GADL1: variants seen among roughly 807,000 people sequenced by gnomAD.
GADL1 encodes GAD like acidic amino acid decarboxylase 1.
In GADL1, 71 loss-of-function variants were observed where a neutral mutation model predicts 69.5. The ratio of observed to expected loss-of-function variants is 1.02; its 90% CI spans 0.84 to 1.25. GADL1 has a LOEUF of 1.25. GADL1 is among the 50% of genes most tolerant of loss of function. GADL1 has a pLI of 0.00. For synonymous variants in GADL1, 254 were observed against 214.4 expected, an observed-to-expected ratio of 1.18 and a Z score of -1.62; for missense variants, 737 against 631.8, an observed-to-expected ratio of 1.17 and a Z score of -1.79.
At chr3:30,777,835 T>C (rs548210515) in intron 14 of GADL1, among the ~76,000 whole-genome samples, 1 of 152,260 alleles carries the variant, frequency 6.6e-6, no homozygotes, top group Non-Finnish European at 1.5e-5. Context: ...AGTAAGGTGG[T>C]ACAACAGTCA....
At chr3:30,734,216 C>A (rs1695508296) in intron 14 of GADL1, among the ~76,000 whole-genome samples, 1 of 152,216 alleles carries the variant, frequency 6.6e-6, no homozygotes, top group Non-Finnish European at 1.5e-5. Flanking sequence ...ATTTACATCT[C>A]TGTTTGCCTT....
chr3:30,894,533 CAG>C (rs1267594838), intron 1 of GADL1, 43 bp downstream of exon 1: 1 of 1,504,312 alleles, frequency 6.6e-7, no homozygotes, highest in Non-Finnish European at 9.0e-7. Context: ...AAAACCCAGA[CAG>C]GGGAGGTTAA....
chr3:30,827,227 G>A (rs192546746), intron 11 of GADL1, among the ~76,000 whole-genome samples: 2 of 151,306 alleles, frequency 1.3e-5, no homozygotes, highest in East Asian at 3.9e-4. Flanking sequence ...CAGTAGTAGA[G>A]CGATAGTGGT....
chr3:30,808,857 A>G (rs945635242), intron 11 of GADL1, among the ~76,000 whole-genome samples: 1 of 152,218 alleles, frequency 6.6e-6, no homozygotes, highest in Non-Finnish European at 1.5e-5. Flanking sequence ...GTCCTATGAT[A>G]AGAATGAGAG....
At chr3:30,879,893 C>T (rs748430535) in intron 1 of GADL1, among the ~76,000 whole-genome samples, 1 of 151,804 alleles carries the variant, frequency 6.6e-6, no homozygotes, top group South Asian at 2.1e-4. Flanking sequence ...AGGCAATAGT[C>T]GGAATGATAA....
intron 14 of GADL1, among the ~76,000 whole-genome samples, chr3:30,771,655 G>GATTTTAAATGTTTAAAA (rs1183897184): frequency 6.6e-6 from 1 of 152,076 alleles, no homozygotes; most frequent in Non-Finnish European, 1.5e-5. Flanking sequence ...GTTTAAAAAA[G>GATTTTAAATGTTTAAAA]AACCTCATCT....
intron 1 of GADL1, among the ~76,000 whole-genome samples, chr3:30,893,530 T>C (rs9859177): frequency 0.052 from 7,919 of 152,158 alleles, 671 homozygotes; most frequent in African/African-American, 0.17. Flanking sequence ...TCTACAGCCC[T>C]CTCCGCTCCC....
chr3:30,852,979 T>C (rs1313656373), intron 4 of GADL1, among the ~76,000 whole-genome samples: 3 of 152,160 alleles, frequency 2.0e-5, no homozygotes, highest in Non-Finnish European at 4.4e-5. Context: ...AAGTTGCCAG[T>C]GACGTCCATG....
intron 11 of GADL1, among the ~76,000 whole-genome samples, chr3:30,824,479 G>A (rs1195533687): frequency 1.3e-5 from 2 of 150,054 alleles, no homozygotes; most frequent in African/African-American, 2.5e-5. Flanking sequence ...TTAGAGATAA[G>A]AAGTAAAGAT....
intron 12 of GADL1, among the ~76,000 whole-genome samples, chr3:30,790,997 A>AC (rs1696900182): frequency 6.6e-6 from 1 of 150,726 alleles, no homozygotes; most frequent in African/African-American, 2.4e-5. Context: ...CAATTTTTAC[A>AC]CTTTTTTTTT....
intron 1 of GADL1, among the ~76,000 whole-genome samples, chr3:30,875,798 A>G (rs1473345935): frequency 1.3e-5 from 2 of 151,886 alleles, no homozygotes; most frequent in African/African-American, 4.8e-5. Context: ...ATGGGTAGAT[A>G]CAGACATACC....
At chr3:30,766,816 C>G (rs1029034264) in intron 14 of GADL1, among the ~76,000 whole-genome samples, 26 of 150,248 alleles carry the variant, frequency 1.7e-4, no homozygotes, top group Admixed American at 1.0e-3. Flanking sequence ...ACTGTAGTCC[C>G]TGAATGATCA....
chr3:30,862,500 T>C (rs1698335492), intron 1 of GADL1, among the ~76,000 whole-genome samples: 1 of 152,046 alleles, frequency 6.6e-6, no homozygotes, highest in Admixed American at 6.6e-5. Flanking sequence ...TTCATTTCCT[T>C]GTACAAAGTC....
At chr3:30,791,488 CCCTTA>C (rs1345431375) in intron 12 of GADL1, among the ~76,000 whole-genome samples, 3 of 152,180 alleles carry the variant, frequency 2.0e-5, no homozygotes, top group Admixed American at 6.5e-5. Flanking sequence ...TAAAATCCTT[CCCTTA>C]CAAGTTATGG....
chr3:30,842,821 T>TAAAAAAAAAAAAA lies in GADL1; in HGVS notation c.786+1388_786+1389insTTTTTTTTTTTTT, dbSNP rs1559358436. Among the ~76,000 whole-genome samples, 4 of 66,458 alleles carry TAAAAAAAAAAAAA rather than the reference T, an allele frequency of 6.0e-5. 1 individual carries two copies. Among genetic ancestry groups the TAAAAAAAAAAAAA allele is most frequent in the Non-Finnish European group, 8.0e-5 (3 of 37,524 alleles). 43.6% of individuals were successfully genotyped at this position (66,458 alleles called of 152,430 possible). ...TAAAGTTCACTTGTCATTGGAATGT[T>TAAAAAAAAAAAAA]TAAAAAAAAAAAAAAAAAAAAAGTA... is the stretch of plus-strand genomic sequence containing the variant. On this transcript the variant is annotated intron_variant, in intron 8 of 14. Coordinates refer to ENST00000282538, the MANE Select transcript of GADL1 (RefSeq NM_207359.3).
intron 2 of GADL1, among the ~76,000 whole-genome samples, chr3:30,859,656 T>C (rs1698289131): frequency 6.6e-6 from 1 of 152,002 alleles, no homozygotes; most frequent in African/African-American, 2.4e-5. Flanking sequence ...TTACTGAATA[T>C]AAATTATAAT....
At chr3:30,756,747 TCAG>T (rs1204577091) in intron 14 of GADL1, among the ~76,000 whole-genome samples, 2 of 152,130 alleles carry the variant, frequency 1.3e-5, no homozygotes, top group African/African-American at 4.8e-5. Context: ...TGTCCACCCT[TCAG>T]CAGCAAACAC....
chr3:30,793,017 G>C (rs1390359305), intron 12 of GADL1, among the ~76,000 whole-genome samples: 1 of 152,146 alleles, frequency 6.6e-6, no homozygotes, highest in Non-Finnish European at 1.5e-5. Flanking sequence ...GTTAAAAAAT[G>C]CTTCTATATT....
chr3:30,763,135 G>C (rs1385554566), intron 14 of GADL1, among the ~76,000 whole-genome samples: 1 of 152,114 alleles, frequency 6.6e-6, no homozygotes, highest in Non-Finnish European at 1.5e-5. Flanking sequence ...GTAGAACTCT[G>C]TATGTGTATT....
Sources: gnomAD v4.1 joint callset for allele counts (sites outside exome capture counted in the v4.1 genomes callset) on GRCh38, gnomAD v4.1.1 for gene constraint, MANE v1.5 for transcripts, NCBI Gene and HGNC (gene_info 2026-07-23, HGNC 2026-07-21) for gene names.